ANO2: variants seen among roughly 807,000 people sequenced by gnomAD.
ANO2 encodes the protein anoctamin-2.
A neutral mutation model predicts 124.2 loss-of-function variants in ANO2; 101 were observed. The observed-to-expected ratio is 0.81, with a 90% confidence interval of 0.69 to 0.96. ANO2 has a LOEUF of 0.96. Among genes scored for constraint, ANO2 ranks in the 40% least tolerant of loss-of-function variants. The pLI is 0.00. For missense variants in ANO2, 1,293 were observed against 1,274.5 expected, an observed-to-expected ratio of 1.01 and a Z score of -0.22; for synonymous variants, 486 against 482.5, an observed-to-expected ratio of 1.01 and a Z score of -0.09.
At position 5,900,579 on chromosome 12, in the gene ANO2, C is replaced by CAAA. The variant is rs1264511063; in HGVS notation, c.534+20458_534+20460dup. 6.9e-6 allele frequency among the ~76,000 whole-genome samples: 1 copy of CAAA among 145,102 alleles called. No homozygotes were observed. Among genetic ancestry groups the CAAA allele is most frequent in the Non-Finnish European group, 1.5e-5 (1 of 66,312 alleles). Reference sequence around the variant, plus strand: ...AAATGGAAAACAACAACAACAACAACAAAAAACTAAAGTGAACTCTCCCTT... The same window carrying CAAA: ...AAATGGAAAACAACAACAACAACAACAAAAAAAAACTAAAGTGAACTCTCCCTT... On this transcript the variant is annotated intron_variant, in intron 3 of 24. Coordinates refer to ENST00000682330, the MANE Select transcript of ANO2 (RefSeq NM_001364791.2). This position sits in a 1 kb window ranked among gnomAD's most constrained non-coding sequence, Gnocchi z 4.2.
intron 14 of ANO2, among the ~76,000 whole-genome samples, chr12:5,689,247 T>C (rs1368369436): frequency 6.6e-6 from 1 of 152,142 alleles, no homozygotes; most frequent in East Asian, 1.9e-4. Context: ...AGGGAGAGTT[T>C]AATTAGGAGG....
At chr12:5,731,686 T>C (rs938708018) in intron 14 of ANO2, among the ~76,000 whole-genome samples, 1 of 151,686 alleles carries the variant, frequency 6.6e-6, no homozygotes, top group African/African-American at 2.4e-5. Context: ...CCCCCCAACA[T>C]ACATACTCTG....
chr12:5,822,608 C>T (rs1219775413), intron 7 of ANO2, among the ~76,000 whole-genome samples: 1 of 152,192 alleles, frequency 6.6e-6, no homozygotes, highest in Non-Finnish European at 1.5e-5. Context: ...CTAAATATGG[C>T]ACCATTCCTG....
At chr12:5,688,815 T>C (rs1191981797) in intron 14 of ANO2, among the ~76,000 whole-genome samples, 2 of 149,686 alleles carry the variant, frequency 1.3e-5, no homozygotes, top group Admixed American at 1.3e-4. Flanking sequence ...GTATCCTTTT[T>C]TTTTTTTTTT....
chr12:5,813,064 G>GA (rs776691040), intron 7 of ANO2, among the ~76,000 whole-genome samples: 43,459 of 148,300 alleles, frequency 0.29, 6,972 homozygotes, highest in Middle Eastern at 0.38. Flanking sequence ...AGGAAGGAAG[G>GA]AAGACGAAAG....
intron 10 of ANO2, among the ~76,000 whole-genome samples, chr12:5,766,110 T>C (rs1183392294): frequency 6.6e-6 from 1 of 152,200 alleles, no homozygotes; most frequent in East Asian, 1.9e-4. Flanking sequence ...TGGTAAGCTA[T>C]AAACAGGTAC....
intron 15 of ANO2, among the ~76,000 whole-genome samples, chr12:5,644,462 C>T (rs1444586812): frequency 1.3e-5 from 2 of 152,212 alleles, no homozygotes; most frequent in South Asian, 2.1e-4. Flanking sequence ...CTTTGTGCTT[C>T]CACATAAATC....
At chr12:5,657,554 C>A (rs920378994) in intron 14 of ANO2, among the ~76,000 whole-genome samples, 9 of 150,560 alleles carry the variant, frequency 6.0e-5, no homozygotes, top group African/African-American at 2.2e-4. Context: ...GGTTGGAGTG[C>A]AGTATGCTTT....
At chr12:5,933,204 C>T (rs1015748401) in intron 1 of ANO2, among the ~76,000 whole-genome samples, 4 of 152,180 alleles carry the variant, frequency 2.6e-5, no homozygotes, top group Admixed American at 6.5e-5. Context: ...ACTGTCATCT[C>T]CTGCTAGTGA....
At chr12:5,672,345 C>A (rs1303658877) in intron 14 of ANO2, among the ~76,000 whole-genome samples, 1 of 152,196 alleles carries the variant, frequency 6.6e-6, no homozygotes, top group East Asian at 1.9e-4. Flanking sequence ...GTTGTCGGTG[C>A]ATTCTCAGAG....
chr12:5,736,878 T>G (rs1950889358), intron 13 of ANO2, among the ~76,000 whole-genome samples: 1 of 152,216 alleles, frequency 6.6e-6, no homozygotes, highest in South Asian at 2.1e-4. Context: ...TTCCCTTTGC[T>G]GCCCATTAAA....
chr12:5,714,668 CCTT>C (rs1226818428), intron 14 of ANO2, among the ~76,000 whole-genome samples: 2 of 152,188 alleles, frequency 1.3e-5, no homozygotes, highest in African/African-American at 2.4e-5. Context: ...TTCTCCTCCT[CCTT>C]CTTCTTCCTC....
intron 20 of ANO2, among the ~76,000 whole-genome samples, chr12:5,597,424 C>T (rs7135688): frequency 0.82 from 124,448 of 152,184 alleles, 51,350 homozygotes; most frequent in Admixed American, 0.89. Context: ...TCAAAGAACA[C>T]GAACTCATTC....
chr12:5,731,620 C>T (rs941638944), intron 14 of ANO2, among the ~76,000 whole-genome samples: 3 of 151,960 alleles, frequency 2.0e-5, no homozygotes, highest in Non-Finnish European at 2.9e-5. Flanking sequence ...CACCCCTCCT[C>T]GCTTTCAAAG....
At chr12:5,778,754 G>GT (rs1266192798) in intron 10 of ANO2, among the ~76,000 whole-genome samples, 1 of 152,174 alleles carries the variant, frequency 6.6e-6, no homozygotes, top group African/African-American at 2.4e-5. Flanking sequence ...GCCAAATAAG[G>GT]TATGTGTCAT....
chr12:5,937,210 C>T (rs541412291), intron 1 of ANO2, among the ~76,000 whole-genome samples: 2 of 152,300 alleles, frequency 1.3e-5, no homozygotes, highest in East Asian at 3.9e-4. Flanking sequence ...CTCCACATTC[C>T]TTCCAAAAGA....
chr12:5,926,271 G>A (rs1282056134), intron 1 of ANO2, among the ~76,000 whole-genome samples: 1 of 152,154 alleles, frequency 6.6e-6, no homozygotes, highest in Non-Finnish European at 1.5e-5. Context: ...CCACCCTAGT[G>A]CCAGCTGTCA....
intron 7 of ANO2, among the ~76,000 whole-genome samples, chr12:5,814,936 T>G (rs952735183): frequency 8.5e-5 from 13 of 152,256 alleles, no homozygotes; most frequent in African/African-American, 2.9e-4. Flanking sequence ...TAACATCTGC[T>G]GAAGCTACTT....
At chr12:5,911,764 A>G (rs1753220148) in intron 3 of ANO2, among the ~76,000 whole-genome samples, 1 of 152,250 alleles carries the variant, frequency 6.6e-6, no homozygotes, top group African/African-American at 2.4e-5. Flanking sequence ...AATCTGATTA[A>G]GGCATTAACC....
Sources: allele counts gnomAD v4.1 joint callset (sites outside exome capture counted in the v4.1 genomes callset), GRCh38; gene constraint gnomAD v4.1.1; non-coding constraint Gnocchi (gnomAD v3.1); transcripts MANE v1.5; gene names NCBI Gene and HGNC (gene_info 2026-07-23, HGNC 2026-07-21).